Variants in EIPR1 observed in about 807,000 individuals in gnomAD.
EIPR1 encodes the protein EARP complex and GARP complex interacting protein 1, also known as EARP and GARP complex-interacting protein 1.
EIPR1 carries 25 observed loss-of-function variants against 48.1 expected under a neutral mutation model. The observed-to-expected ratio is 0.52, with a 90% CI of 0.38 to 0.73. The LOEUF (loss-of-function observed/expected upper bound fraction) is 0.73, where lower values mean the gene tolerates loss of function less well. EIPR1 is among the 30% of genes least tolerant of loss of function. EIPR1 has a pLI of 0.00. For missense variants in EIPR1, 415 were observed against 506.2 expected, an observed-to-expected ratio of 0.82 and a Z score of 1.73; for synonymous variants, 204 against 201.9, an observed-to-expected ratio of 1.01 and a Z score of -0.09.
intron 1 of EIPR1, among the ~76,000 whole-genome samples, chr2:3,361,762 C>G (rs1670856932): frequency 6.6e-6 from 1 of 151,712 alleles, no homozygotes; most frequent in South Asian, 2.1e-4. Context: ...CTTGGACTCC[C>G]TCACACGGGC....
At chr2:3,356,029 T>C (rs895136410) in intron 1 of EIPR1, among the ~76,000 whole-genome samples, 2 of 152,170 alleles carry the variant, frequency 1.3e-5, no homozygotes, top group South Asian at 2.1e-4. Flanking sequence ...CTATTCCATG[T>C]TGGGGTGAAG....
At chr2:3,249,830 C>A (rs1666950055) in intron 4 of EIPR1, among the ~76,000 whole-genome samples, 1 of 152,224 alleles carries the variant, frequency 6.6e-6, no homozygotes, top group Non-Finnish European at 1.5e-5. Context: ...CCAGTCATGG[C>A]TCAAAGGGGC....
chr2:3,341,095 C>CAAAAAAAAAAAAAAAAAAAAAAA (rs55667121), intron 2 of EIPR1, among the ~76,000 whole-genome samples: 1 of 22,206 alleles, frequency 4.5e-5, no homozygotes, highest in Non-Finnish European at 1.0e-4. Context: ...GATCCTGTCT[C>CAAAAAAAAAAAAAAAAAAAAAAA]AAAAAAAAAA....
chr2:3,270,179 T>C (rs2602754), intron 3 of EIPR1, among the ~76,000 whole-genome samples: 104,140 of 152,086 alleles, frequency 0.68, 36,023 homozygotes, highest in East Asian at 0.81. Flanking sequence ...AAAGCAGGGG[T>C]GAAACAAGGA....
intron 3 of EIPR1, chr2:3,262,109 T>G (rs1667351430): frequency 6.6e-6 from 1 of 152,130 alleles, no homozygotes; most frequent in Non-Finnish European, 1.5e-5. Context: ...ACATGATGTG[T>G]GTACACAGAC....
chr2:3,194,096 A>T lies in EIPR1; in HGVS notation c.724T>A (p.Tyr242Asn). 6.2e-7 allele frequency: 1 copy of T among 1,613,938 alleles called. No homozygotes were observed. Among genetic ancestry groups the T allele is most frequent in the South Asian group, 1.1e-5 (1 of 91,082 alleles). ...TCGTCTCCGCAGCTGGCCAAGTAGT[A>T]CTGCTTATTGGGATTAAAGTCAAGG... ...RDLDFNPNKQ[Y>N]YLASCGDDCK... The change falls in exon 7 of 9, where the codon TAC becomes AAC. Residue 242 changes from tyrosine (Y) to asparagine (N), a missense_variant. Transcript: ENST00000382125.
intron 1 of EIPR1, among the ~76,000 whole-genome samples, chr2:3,363,551 C>T (rs1000067738): frequency 2.0e-5 from 3 of 152,012 alleles, no homozygotes; most frequent in African/African-American, 7.2e-5. Flanking sequence ...TAAAAGTCAG[C>T]CAAGTGTGGA....
intron 7 of EIPR1, among the ~76,000 whole-genome samples, chr2:3,193,623 T>C (rs887859481): frequency 5.9e-5 from 9 of 152,338 alleles, no homozygotes; most frequent in African/African-American, 2.2e-4. Context: ...TCCCGACAGC[T>C]GCATCATCTC....
At chr2:3,310,163 G>A (rs928719879) in intron 3 of EIPR1, among the ~76,000 whole-genome samples, 3 of 152,144 alleles carry the variant, frequency 2.0e-5, no homozygotes, top group East Asian at 1.9e-4. Flanking sequence ...TGCATGCTTG[G>A]TTCAGCGCCA....
intron 4 of EIPR1, among the ~76,000 whole-genome samples, chr2:3,254,946 TG>T (rs1256905312): frequency 6.6e-6 from 1 of 152,220 alleles, no homozygotes; most frequent in Non-Finnish European, 1.5e-5. Context: ...GTGTTACTAT[TG>T]GGGAAAACTG....
chr2:3,230,606 G>C (rs1270333824), intron 4 of EIPR1, among the ~76,000 whole-genome samples: 1 of 152,178 alleles, frequency 6.6e-6, no homozygotes. Flanking sequence ...TTATTGAAGA[G>C]ACTATCTTTT....
At chr2:3,347,354 C>G (rs571807883) in intron 2 of EIPR1, among the ~76,000 whole-genome samples, 3 of 152,280 alleles carry the variant, frequency 2.0e-5, no homozygotes, top group South Asian at 2.1e-4. Context: ...GGGAGACAAT[C>G]GAATCATGGG....
At chr2:3,249,047 A>G (rs1666926791) in intron 4 of EIPR1, among the ~76,000 whole-genome samples, 1 of 152,210 alleles carries the variant, frequency 6.6e-6, no homozygotes, top group Admixed American at 6.5e-5. Context: ...ATAGGTACTG[A>G]GGAGGGGAGC....
intron 4 of EIPR1, among the ~76,000 whole-genome samples, chr2:3,256,870 G>A (rs1667172657): frequency 6.6e-6 from 1 of 152,246 alleles, no homozygotes; most frequent in African/African-American, 2.4e-5. Context: ...TGGGCACGCA[G>A]CCCCACAGGC....
chr2:3,366,037 G>A (rs1234304055), intron 1 of EIPR1, among the ~76,000 whole-genome samples: 2 of 152,190 alleles, frequency 1.3e-5, no homozygotes, highest in African/African-American at 2.4e-5. Context: ...GCCCGGCATG[G>A]TGGCTCACAC....
At chr2:3,208,694 G>A (rs1401111451) in intron 5 of EIPR1, 9 of 1,550,488 alleles carry the variant, frequency 5.8e-6, no homozygotes, top group Middle Eastern at 1.7e-4. Context: ...ATTCCCCCAG[G>A]AAACACTCGG....
intron 3 of EIPR1, among the ~76,000 whole-genome samples, chr2:3,268,602 C>T (rs1282160504): frequency 4.6e-5 from 7 of 152,144 alleles, no homozygotes; most frequent in Non-Finnish European, 1.0e-4. Flanking sequence ...GCTCTGTTTC[C>T]ACTTCCTGCC....
chr2:3,354,050 G>A (rs761517051), intron 2 of EIPR1, among the ~76,000 whole-genome samples: 2 of 152,128 alleles, frequency 1.3e-5, no homozygotes, highest in Admixed American at 6.5e-5. Context: ...GCCATGAACC[G>A]AATCCGATCT....
At chr2:3,244,811 G>A (rs959486534) in intron 4 of EIPR1, among the ~76,000 whole-genome samples, 9 of 152,274 alleles carry the variant, frequency 5.9e-5, no homozygotes, top group East Asian at 1.9e-4. Flanking sequence ...GGACTAAGGC[G>A]TTTTCTGAGC....
Sources: allele counts gnomAD v4.1 joint callset (sites outside exome capture counted in the v4.1 genomes callset), GRCh38; gene constraint gnomAD v4.1.1; transcripts MANE v1.5; gene names NCBI Gene and HGNC (gene_info 2026-07-23, HGNC 2026-07-21).